The following ADAM2 variants were observed in gnomAD, a reference collection of about 807,000 sequenced individuals.
The protein encoded by ADAM2 is ADAM metallopeptidase domain 2.
In ADAM2, 101 loss-of-function variants were observed where a neutral mutation model predicts 99.3. That is an observed-to-expected ratio of 1.02 (90% CI 0.87 to 1.20). ADAM2 has a LOEUF of 1.20. Among genes scored for constraint, ADAM2 ranks in the 50% most tolerant of loss-of-function variants. The probability of loss-of-function intolerance (pLI) is 0.00; values close to 1 mark genes in which losing one functional copy is unlikely to be tolerated. For synonymous variants in ADAM2, 323 were observed against 287.6 expected, an observed-to-expected ratio of 1.12 and a Z score of -1.25; for missense variants, 948 against 878.7, an observed-to-expected ratio of 1.08 and a Z score of -1.00.
chr8:39,748,860 C>CT (rs1823583393), intron 18 of ADAM2, among the ~76,000 whole-genome samples: 1 of 152,096 alleles, frequency 6.6e-6, no homozygotes, highest in Admixed American at 6.6e-5. Context: ...GTTACTCTCC[C>CT]TGTGGTTTCA....
chr8:39,748,916 G>C (rs531453207), intron 18 of ADAM2, among the ~76,000 whole-genome samples: 1 of 152,092 alleles, frequency 6.6e-6, no homozygotes, highest in Non-Finnish European at 1.5e-5. Flanking sequence ...ATGCTAAATG[G>C]CCCAGAATCT....
rs146425504 is a variant in ADAM2 at position 39,778,030 on chromosome 8, A to G, written c.892-869T>C. Among the ~76,000 whole-genome samples the G allele has an allele frequency of 6.8e-3, 1,007 of 147,812 alleles. 9 individuals are homozygous for G. The highest frequency in any genetic ancestry group is 0.023 in the African/African-American group (951 of 40,866). ...TAATTTATATTTATATAATTTTAAT[A>G]TATAATTTATATATTAATTATATAT... On this transcript the variant is annotated intron_variant, in intron 10 of 20. Transcript: ENST00000265708.
chr8:39,794,470 C>T (rs1436986721), intron 7 of ADAM2, among the ~76,000 whole-genome samples: 1 of 152,016 alleles, frequency 6.6e-6, no homozygotes, highest in Non-Finnish European at 1.5e-5. Context: ...GTCCTTTACC[C>T]AATTTCTGCC....
chr8:39,806,812 C>T (rs994305081), intron 7 of ADAM2, among the ~76,000 whole-genome samples: 2 of 152,086 alleles, frequency 1.3e-5, no homozygotes, highest in Non-Finnish European at 2.9e-5. Flanking sequence ...GCTGCACAAT[C>T]ATTTGACAAA....
At chr8:39,780,276 C>T (rs537070748) in intron 10 of ADAM2, among the ~76,000 whole-genome samples, 14 of 152,228 alleles carry the variant, frequency 9.2e-5, no homozygotes, top group African/African-American at 3.1e-4. Flanking sequence ...CCGGGTCCCT[C>T]CCATGACACA....
At chr8:39,820,174 T>C (rs1310103051) in intron 6 of ADAM2, among the ~76,000 whole-genome samples, 2 of 152,194 alleles carry the variant, frequency 1.3e-5, no homozygotes, top group African/African-American at 4.8e-5. Context: ...TGAGATTGGC[T>C]GCTCCTAATG....
chr8:39,757,153 C>G lies in ADAM2; in HGVS notation c.1614-1242G>C, dbSNP rs755818321. Among the ~76,000 whole-genome samples the G allele has an allele frequency of 5.9e-5, 9 of 152,108 alleles. 1 individual carries two copies. The highest frequency in any genetic ancestry group is 5.9e-4 in the Admixed American group (9 of 15,266). On this transcript the variant is annotated intron_variant, in intron 15 of 20. Coordinates refer to ENST00000265708, the MANE Select transcript of ADAM2 (RefSeq NM_001464.5). ...AATCACCTAACCCAAGTCCAAATCTCTAGAACTGGCATACTCCACAATTTC... is the reference window on the plus strand; with the variant it reads ...AATCACCTAACCCAAGTCCAAATCTGTAGAACTGGCATACTCCACAATTTC...
intron 3 of ADAM2, among the ~76,000 whole-genome samples, chr8:39,828,768 T>C (rs1805509931): frequency 6.6e-6 from 1 of 151,894 alleles, no homozygotes; most frequent in South Asian, 2.1e-4. Context: ...ATTTAATTTA[T>C]TAAAAAAGAT....
chr8:39,823,828 A>G lies in ADAM2; in HGVS notation c.267+991T>C, dbSNP rs576471658. On this transcript the variant is annotated intron_variant, in intron 4 of 20. Coordinates refer to ENST00000265708, the MANE Select transcript of ADAM2 (RefSeq NM_001464.5). ...AGAGTTGTGTACTCTCTTGGGCAAA[A>G]CTTAAAGCAACTAACCATATCTATT... Among the ~76,000 whole-genome samples, 3 of 152,234 alleles carry G rather than the reference A, an allele frequency of 2.0e-5. No individual in the cohort carries two copies. In the East Asian group the frequency reaches 5.8e-4, roughly 29 times the overall value.
intron 6 of ADAM2, among the ~76,000 whole-genome samples, chr8:39,812,965 C>A (rs184672584): frequency 6.6e-6 from 1 of 152,294 alleles, no homozygotes; most frequent in East Asian, 1.9e-4. Context: ...AAGAGACTAC[C>A]ATCAGAGTGA....
chr8:39,778,035 AT>A (rs1406599328), intron 10 of ADAM2, among the ~76,000 whole-genome samples: 1 of 147,826 alleles, frequency 6.8e-6, no homozygotes, highest in East Asian at 1.9e-4. Context: ...TTAATATATA[AT>A]TTATATATTA....
intron 10 of ADAM2, among the ~76,000 whole-genome samples, chr8:39,781,012 CTT>C (rs988269267): frequency 1.5e-4 from 21 of 140,296 alleles, no homozygotes; most frequent in African/African-American, 4.4e-4. Flanking sequence ...CATACCTTTT[CTT>C]TTTTTTTTTT....
intron 14 of ADAM2, among the ~76,000 whole-genome samples, chr8:39,762,069 G>A (rs1274223345): frequency 6.6e-6 from 1 of 152,216 alleles, no homozygotes; most frequent in Non-Finnish European, 1.5e-5. Flanking sequence ...GGGCGACAGA[G>A]CGAGACTGCG....
intron 7 of ADAM2, 110 bp downstream of exon 7, chr8:39,809,300 G>A: frequency 1.6e-6 from 1 of 613,284 alleles, no homozygotes; most frequent in Non-Finnish European, 2.9e-6. Context: ...CATTAATGCA[G>A]AGCTAAGGCA....
intron 11 of ADAM2, among the ~76,000 whole-genome samples, chr8:39,775,843 C>T (rs764123588): frequency 1.6e-4 from 25 of 152,030 alleles, no homozygotes; most frequent in Non-Finnish European, 3.2e-4. Context: ...TGATCTTATA[C>T]ATATATTTTT....
At chr8:39,800,229 A>G (rs896373361) in intron 7 of ADAM2, among the ~76,000 whole-genome samples, 1 of 152,220 alleles carries the variant, frequency 6.6e-6, no homozygotes, top group African/African-American at 2.4e-5. Flanking sequence ...GGTAGTAAAG[A>G]AATCCCTCAG....
At chr8:39,837,300 T>C in intron 1 of ADAM2, 88 bp from the exon 2 acceptor site, 1 of 787,700 alleles carries the variant, frequency 1.3e-6, no homozygotes, top group Non-Finnish European at 2.0e-6. Flanking sequence ...CTCTAATCTC[T>C]ATTCTATACG....
rs748617251 is a variant in ADAM2 at position 39,824,867 on chromosome 8, GTAAACTC to G, written c.212_218del (p.Arg71ThrfsTer9). 8 of 1,562,830 alleles carry G rather than the reference GTAAACTC, an allele frequency of 5.1e-6. No individual in the cohort carries two copies. In the South Asian group the frequency reaches 9.2e-5, roughly 18 times the overall value. ...TCATAATTCCTGTGCCACTATAACTGTAAACTCTAAAATTATGGGGTAAAAAGTTTCT... is the reference window on the plus strand; with the variant it reads ...TCATAATTCCTGTGCCACTATAACTGTAAAATTATGGGGTAAAAAGTTTCT... On this transcript the variant is annotated frameshift_variant, in exon 4 of 21. Coordinates refer to ENST00000265708, the MANE Select transcript of ADAM2 (RefSeq NM_001464.5). LOFTEE classifies it high-confidence loss of function.
rs539407409 is a variant in ADAM2 at position 39,788,021 on chromosome 8, A to C, written c.809+64T>G. The stretch of plus-strand genomic sequence containing the variant: ...TTAATACACATTTATCAACAGTAAG[A>C]TATTCGGTCAAATTGCATAAATTTT... On this transcript the variant is annotated intron_variant, in intron 9 of 20. Transcript: ENST00000265708. 7.3e-6 allele frequency: 8 copies of C among 1,091,748 alleles called. No homozygotes were observed. The Admixed American group carries it at 1.2e-4, about 16-fold the overall frequency. 67.6% of individuals were successfully genotyped at this position (1,091,748 alleles called of 1,614,324 possible).
Sources: gnomAD v4.1 joint callset for allele counts (sites outside exome capture counted in the v4.1 genomes callset) on GRCh38, gnomAD v4.1.1 for gene constraint, MANE v1.5 for transcripts, NCBI Gene and HGNC (gene_info 2026-07-23, HGNC 2026-07-21) for gene names.